The following UPK2 variants were observed in gnomAD, a reference collection of about 807,000 sequenced individuals.
UPK2 encodes the protein uroplakin-2.
UPK2 carries 19 observed loss-of-function variants against 14.8 expected under a neutral mutation model. The ratio of observed to expected loss-of-function variants is 1.29; its 90% confidence interval spans 0.90 to 1.89. The LOEUF (loss-of-function observed/expected upper bound fraction) is 1.89, where lower values mean the gene tolerates loss of function less well. Ranked by LOEUF, UPK2 falls within the 40% of genes most tolerant of loss-of-function variation. The probability of loss-of-function intolerance (pLI) is 0.00; values close to 1 mark genes in which losing one functional copy is unlikely to be tolerated. For synonymous variants in UPK2, 102 were observed against 101.6 expected, an observed-to-expected ratio of 1.00 and a Z score of -0.02; for missense variants, 232 against 236.0, an observed-to-expected ratio of 0.98 and a Z score of 0.11.
Position 118,956,523 on chromosome 11 carries a change from G to A in UPK2, c.76+97G>A, listed in dbSNP as rs979091035. 5 of 1,091,582 alleles carry A rather than the reference G, an allele frequency of 4.6e-6. No homozygotes were observed. The highest frequency in any genetic ancestry group is 6.7e-6 in the Non-Finnish European group (5 of 744,642). 67.6% of individuals were successfully genotyped at this position (1,091,582 alleles called of 1,614,324 possible). ...CTCTCAAAGAGAGGTCTGGACAGTT[G>A]GGAGTCAGGGCTGGTGATGGCAGTG... On this transcript the variant is annotated intron_variant, in intron 1 of 4. Coordinates refer to ENST00000264031, the MANE Select transcript of UPK2 (RefSeq NM_006760.4). This position sits in a 1 kb window ranked among gnomAD's most constrained non-coding sequence, Gnocchi z 4.1.
intron 3 of UPK2, 48 bp downstream of exon 3, chr11:118,957,394 A>G (rs1248025212): frequency 6.2e-7 from 1 of 1,604,248 alleles, no homozygotes; most frequent in South Asian, 1.1e-5. Context: ...GGGTGCAGGA[A>G]GAGAGAGAAG....
In UPK2 at chr11:118,957,024, C is replaced by T; in HGVS notation, c.208+10C>T. ...GCCAATGACAGCAAAGGTCTGCTAC[C>T]TTCTCCCAAGGCATCCCTCTAGTCC... On this transcript the variant is annotated intron_variant, in intron 2 of 4. Transcript: ENST00000264031. 6.2e-7 allele frequency: 1 copy of T among 1,613,922 alleles called. No homozygotes were observed. The highest frequency in any genetic ancestry group is 8.5e-7 in the Non-Finnish European group (1 of 1,179,974).
chr11:118,957,999 G>C (rs1941578400), intron 4 of UPK2, 98 bp from the exon 5 acceptor site: 1 of 1,504,300 alleles, frequency 6.6e-7, no homozygotes, highest in Non-Finnish European at 8.9e-7. Context: ...CTGGCTGGTT[G>C]GTTGGGCAGT....
At position 118,956,997 on chromosome 11, in the gene UPK2, G is replaced by A; in HGVS notation, c.191G>A (p.Arg64Lys). 1 of 1,613,952 alleles carries A rather than the reference G, an allele frequency of 6.2e-7. No individual in the cohort carries two copies. Among genetic ancestry groups the A allele is most frequent in the Non-Finnish European group, 8.5e-7 (1 of 1,180,020 alleles). ...TGGNATLMVR[R>K]ANDSKVVTSS... ...GGCAATGCCACACTGATGGTCCGGA[G>A]AGCCAATGACAGCAAAGGTCTGCTA... is the stretch of plus-strand genomic sequence containing the variant. Residue 64 changes from arginine to lysine, a missense_variant, in exon 2 of 5, where the codon AGA (arginine) becomes AAA (lysine). Coordinates refer to ENST00000264031, the MANE Select transcript of UPK2 (RefSeq NM_006760.4). The surrounding 1 kb of genome is among the most constrained non-coding windows in gnomAD (Gnocchi z 4.1).
rs1198544672 is a variant in UPK2, at chr11:118,957,829, C to T, written c.418+161C>T. Among the ~76,000 whole-genome samples, 6 of 152,234 alleles carry T rather than the reference C, an allele frequency of 3.9e-5. No individual in the cohort carries two copies. The East Asian group carries it at 1.2e-3, about 29-fold the overall frequency. On this transcript the variant is annotated intron_variant, in intron 4 of 4. Coordinates refer to ENST00000264031, the MANE Select transcript of UPK2 (RefSeq NM_006760.4). ...CACGGAACCTTCGGCATGGCTACTG[C>T]ACACTCAGCTAAAGGTTCCTCGTGG...
At position 118,956,833 on chromosome 11, in the gene UPK2, T is replaced by C; in HGVS notation, c.77-50T>C. On this transcript the variant is annotated intron_variant, in intron 1 of 4. Transcript: ENST00000264031. This position sits in a 1 kb window ranked among gnomAD's most constrained non-coding sequence, Gnocchi z 4.1. Reference sequence around the variant, plus strand: ...TCCAATGGGACCGGGCCAGATCTGTTGGCCAGGAGGGGTCAGTCCCCATCG... The same window carrying C: ...TCCAATGGGACCGGGCCAGATCTGTCGGCCAGGAGGGGTCAGTCCCCATCG... 5 of 1,610,596 alleles carry C rather than the reference T, an allele frequency of 3.1e-6. No individual in the cohort carries two copies. Among genetic ancestry groups the C allele is most frequent in the South Asian group, 1.1e-5 (1 of 90,780 alleles).
At position 118,957,688 on chromosome 11, in the gene UPK2, C is replaced by T; in HGVS notation, c.418+20C>T. Reference sequence around the variant, plus strand: ...TCCCTCGTAAGTAACACTCCCGCCTCCCTTTCCCATCTCAGCGGCCACAAA... The same window carrying T: ...TCCCTCGTAAGTAACACTCCCGCCTTCCTTTCCCATCTCAGCGGCCACAAA... On this transcript the variant is annotated intron_variant, in intron 4 of 4. Transcript: ENST00000264031. 1 of 1,613,812 alleles carries T rather than the reference C, an allele frequency of 6.2e-7. No homozygotes were observed. Among genetic ancestry groups the T allele is most frequent in the Non-Finnish European group, 8.5e-7 (1 of 1,179,698 alleles).
In UPK2 at chr11:118,958,368, A is replaced by T; in HGVS notation, c.*135A>T. On this transcript the variant is annotated 3_prime_UTR_variant, in exon 5 of 5. Transcript: ENST00000264031. The surrounding 1 kb of genome is among the most constrained non-coding windows in gnomAD (Gnocchi z 4.6). ...TCCTCCTCCTGCCCTCCTCTCCCCT[A>T]GAGCCCTCTCCTCCCTCTGTCCCTC... The T allele has an allele frequency of 9.8e-7, 1 of 1,021,292 alleles. No individual in the cohort carries two copies. The highest frequency in any genetic ancestry group is 1.7e-5 in the South Asian group (1 of 59,366). The allele number at this position is 1,021,292 out of a possible 1,614,324, so 63.3% of individuals were successfully genotyped here. A position where few individuals can be genotyped will look rare whatever the true frequency, so the allele number is the denominator to read the frequency against.
chr11:118,957,574 C>T, intron 3 of UPK2, 24 bp from the exon 4 acceptor site: 1 of 1,613,778 alleles, frequency 6.2e-7, no homozygotes, highest in Non-Finnish European at 8.5e-7. Context: ...TGAGGGTTCT[C>T]TACTCTCTCC....
intron 3 of UPK2, 89 bp from the exon 4 acceptor site, chr11:118,957,509 G>A: frequency 6.4e-7 from 1 of 1,559,670 alleles, no homozygotes; most frequent in Non-Finnish European, 8.8e-7. Context: ...AGACACAGCT[G>A]TGAGGGTAGG....
chr11:118,957,362 A>T lies in UPK2; in HGVS notation c.347+16A>T. 1.2e-6 allele frequency: 2 copies of T among 1,612,926 alleles called. No homozygotes were observed. The highest frequency in any genetic ancestry group is 4.5e-5 in the East Asian group (2 of 44,858). Reference sequence around the variant, plus strand: ...CCAAATTCTAGTAGGTACTGGGTCCAGCCTGAGGCACCTAGGGAAGGGGGT... The same window carrying T: ...CCAAATTCTAGTAGGTACTGGGTCCTGCCTGAGGCACCTAGGGAAGGGGGT... On this transcript the variant is annotated intron_variant, in intron 3 of 4. Coordinates refer to ENST00000264031, the MANE Select transcript of UPK2 (RefSeq NM_006760.4).
chr11:118,956,908 T>G lies in UPK2; in HGVS notation c.102T>G (p.Gly34=). The G allele has an allele frequency of 3.1e-6, 5 of 1,613,958 alleles. No individual in the cohort carries two copies. Among genetic ancestry groups the G allele is most frequent in the Non-Finnish European group, 4.2e-6 (5 of 1,179,882 alleles). The part of the protein sequence containing the change: ...AADFNISSLS[G]LLSPALTESL... ...ACTTCAACATCTCAAGCCTCTCTGG[T>G]CTGCTGTCCCCGGCGCTAACGGAGA... Residue 34 remains glycine, a synonymous_variant, in exon 2 of 5, where the codon GGT becomes GGG. Transcript: ENST00000264031. The surrounding 1 kb of genome is among the most constrained non-coding windows in gnomAD (Gnocchi z 4.1).
Position 118,957,003 on chromosome 11 carries a change from A to G in UPK2, c.197A>G (p.Asn66Ser), listed in dbSNP as rs755161398. The G allele has an allele frequency of 1.2e-6, 2 of 1,614,102 alleles. No homozygotes were observed. Among genetic ancestry groups the G allele is most frequent in the Non-Finnish European group, 1.7e-6 (2 of 1,180,012 alleles). ...GNATLMVRRA[N>S]DSKVVTSSFV... The stretch of plus-strand genomic sequence containing the variant: ...GCCACACTGATGGTCCGGAGAGCCA[A>G]TGACAGCAAAGGTCTGCTACCTTCT... Residue 66 changes from asparagine to serine, a missense_variant, in exon 2 of 5, where the codon AAT becomes AGT. By Grantham distance (46) the Asn-to-Ser change is conservative (BLOSUM62 1). Coordinates refer to ENST00000264031, the MANE Select transcript of UPK2 (RefSeq NM_006760.4).
rs576332442 is a variant in UPK2, at chr11:118,957,427, G to C, written c.347+81G>C. 3 of 1,581,594 alleles carry C rather than the reference G, an allele frequency of 1.9e-6. No individual in the cohort carries two copies. The East Asian group carries it at 6.9e-5, about 36-fold the overall frequency. The stretch of plus-strand genomic sequence containing the variant: ...AAGCTAGTGTGGGGGAGATCTGGTG[G>C]GCATGAGGAGAGGGTGAGGGCACAG... On this transcript the variant is annotated intron_variant, in intron 3 of 4. Coordinates refer to ENST00000264031, the MANE Select transcript of UPK2 (RefSeq NM_006760.4).
chr11:118,956,795 A>G lies in UPK2; in HGVS notation c.77-88A>G, dbSNP rs916776429. ...GTTCTGCCCAGGGTTCACAGAGTGG[A>G]AAGGGAGATGGCTCCAATGGGACCG... On this transcript the variant is annotated intron_variant, in intron 1 of 4. Transcript: ENST00000264031. The surrounding 1 kb of genome is among the most constrained non-coding windows in gnomAD (Gnocchi z 4.1). The G allele has an allele frequency of 3.2e-6, 5 of 1,558,788 alleles. No individual in the cohort carries two copies. Among genetic ancestry groups the G allele is most frequent in the Admixed American group, 3.5e-5 (2 of 57,496 alleles).
Position 118,957,034 on chromosome 11 carries a change from G to A in UPK2, c.208+20G>A, listed in dbSNP as rs1565640763. Reference sequence around the variant, plus strand: ...GCAAAGGTCTGCTACCTTCTCCCAAGGCATCCCTCTAGTCCCCAAAGACCC... The same window carrying A: ...GCAAAGGTCTGCTACCTTCTCCCAAAGCATCCCTCTAGTCCCCAAAGACCC... On this transcript the variant is annotated intron_variant, in intron 2 of 4. Transcript: ENST00000264031. 7.4e-6 allele frequency: 12 copies of A among 1,613,628 alleles called. No individual in the cohort carries two copies. Among genetic ancestry groups the A allele is most frequent in the Non-Finnish European group, 1.0e-5 (12 of 1,179,900 alleles).
In UPK2 at chr11:118,956,700, G is replaced by A. The variant is rs1161961265; in HGVS notation, c.77-183G>A. Among the ~76,000 whole-genome samples the A allele has an allele frequency of 6.6e-6, 1 of 152,148 alleles. No homozygotes were observed. Among genetic ancestry groups the A allele is most frequent in the African/African-American group, 2.4e-5 (1 of 41,418 alleles). On this transcript the variant is annotated intron_variant, in intron 1 of 4. Coordinates refer to ENST00000264031, the MANE Select transcript of UPK2 (RefSeq NM_006760.4). The surrounding 1 kb of genome is among the most constrained non-coding windows in gnomAD (Gnocchi z 4.1). ...CATCCAGGTTCTGGCTCTGGGGACC[G>A]CTTGGTGGAGGGTGCAGCTTCTGCA...
At position 118,957,001 on chromosome 11, in the gene UPK2, C is replaced by G; in HGVS notation, c.195C>G (p.Ala65=). Residue 65 remains alanine (A), a synonymous_variant, in exon 2 of 5, where the codon GCC becomes GCG. Coordinates refer to ENST00000264031, the MANE Select transcript of UPK2 (RefSeq NM_006760.4). ...GGNATLMVRR[A]NDSKVVTSSF... ...ATGCCACACTGATGGTCCGGAGAGC[C>G]AATGACAGCAAAGGTCTGCTACCTT... 1 of 1,613,966 alleles carries G rather than the reference C, an allele frequency of 6.2e-7. No individual in the cohort carries two copies. Among genetic ancestry groups the G allele is most frequent in the Admixed American group, 1.7e-5 (1 of 60,006 alleles).
chr11:118,957,402 A>C lies in UPK2; in HGVS notation c.347+56A>C, dbSNP rs1012591917. 7 of 1,600,334 alleles carry C rather than the reference A, an allele frequency of 4.4e-6. No individual in the cohort carries two copies. The African/African-American group carries it at 9.4e-5, about 21-fold the overall frequency. ...GGGAAGGGGGTGCAGGAAGAGAGAG[A>C]AGCTAGTGTGGGGGAGATCTGGTGG... On this transcript the variant is annotated intron_variant, in intron 3 of 4. Transcript: ENST00000264031.
Sources: allele counts gnomAD v4.1 joint callset (sites outside exome capture counted in the v4.1 genomes callset), GRCh38; gene constraint gnomAD v4.1.1; non-coding constraint Gnocchi (gnomAD v3.1); transcripts MANE v1.5; gene names NCBI Gene and HGNC (gene_info 2026-07-23, HGNC 2026-07-21).